Variants in UQCC1 observed in about 807,000 individuals in gnomAD.
UQCC1 encodes ubiquinol-cytochrome c reductase complex assembly factor 1.
In UQCC1, 38 loss-of-function variants were observed where a neutral mutation model predicts 48.0. That is an observed-to-expected ratio of 0.79 (90% CI 0.61 to 1.04). UQCC1 has a LOEUF of 1.04. UQCC1 is among the 50% of genes least tolerant of loss of function. The pLI is 0.00. For synonymous variants in UQCC1, 111 were observed against 129.2 expected, an observed-to-expected ratio of 0.86 and a Z score of 0.95; for missense variants, 368 against 381.8, an observed-to-expected ratio of 0.96 and a Z score of 0.30.
chr20:35,384,477 C>A, intron 2 of UQCC1: 2 of 330,360 alleles, frequency 6.1e-6, no homozygotes, highest in Non-Finnish European at 1.2e-5. Flanking sequence ...TCTATTTCTA[C>A]AAATTTTTTT....
At chr20:35,306,820 C>T (rs1568644283) in intron 8 of UQCC1, 41 bp from the exon 9 acceptor site, 3 of 1,490,466 alleles carry the variant, frequency 2.0e-6, no homozygotes, top group Non-Finnish European at 2.8e-6. Flanking sequence ...GAGGGATCCA[C>T]AGAGCCAGGA....
chr20:35,331,695 C>T (rs535710334), intron 7 of UQCC1, among the ~76,000 whole-genome samples: 2 of 152,338 alleles, frequency 1.3e-5, no homozygotes, highest in South Asian at 2.1e-4. Flanking sequence ...ATTCAGCCAA[C>T]ATCAACTGAG....
At chr20:35,377,802 G>C (rs1312768293) in intron 4 of UQCC1, among the ~76,000 whole-genome samples, 2 of 152,206 alleles carry the variant, frequency 1.3e-5, no homozygotes, top group Non-Finnish European at 2.9e-5. Context: ...TGAGAAGGAA[G>C]CTTCCCCAAC....
Position 35,311,250 on chromosome 20 carries a change from G to A in UQCC1, c.651+3438C>T, listed in dbSNP as rs117607282. Among the ~76,000 whole-genome samples, 26 of 152,268 alleles carry A rather than the reference G, an allele frequency of 1.7e-4. No individual in the cohort carries two copies. In the East Asian group the frequency reaches 5.0e-3, roughly 29 times the overall value. ...TAGCAATGGCAACAGTTCACAGAAG[G>A]CCTGGAAGTTCAGGGAGCAATTTGG... On this transcript the variant is annotated intron_variant, in intron 8 of 9. Coordinates refer to ENST00000374385, the MANE Select transcript of UQCC1 (RefSeq NM_018244.5).
rs553447395 is a variant in UQCC1 at position 35,377,092 on chromosome 20, C to T, written c.334-2836G>A. On this transcript the variant is annotated intron_variant, in intron 4 of 9. Coordinates refer to ENST00000374385, the MANE Select transcript of UQCC1 (RefSeq NM_018244.5). ...AATAAGGCCAACCTTATCCTGATAT[C>T]AAAATCAAAGTCATTAGGAGAAAAC... Among the ~76,000 whole-genome samples, 28 of 152,108 alleles carry T rather than the reference C, an allele frequency of 1.8e-4. 1 individual carries two copies. The highest frequency in any genetic ancestry group is 6.5e-4 in the African/African-American group (27 of 41,516).
chr20:35,322,307 T>C lies in UQCC1; in HGVS notation c.574-7542A>G, dbSNP rs368324236. ...TGACAGTGATGGTCGTAACAATGAT[T>C]ACACAATGCATTTAATAATATTTTC... On this transcript the variant is annotated intron_variant, in intron 7 of 9. Transcript: ENST00000374385. Among the ~76,000 whole-genome samples, 19 of 152,090 alleles carry C rather than the reference T, an allele frequency of 1.2e-4. No homozygotes were observed. In the East Asian group the frequency reaches 1.5e-3, roughly 12 times the overall value.
intron 8 of UQCC1, among the ~76,000 whole-genome samples, chr20:35,313,773 C>G (rs948886688): frequency 3.9e-5 from 6 of 152,006 alleles, no homozygotes; most frequent in African/African-American, 1.2e-4. Context: ...GCACATGCCA[C>G]CATGCCTGGC....
At chr20:35,371,751 A>AT (rs2061734931) in intron 5 of UQCC1, among the ~76,000 whole-genome samples, 1 of 150,922 alleles carries the variant, frequency 6.6e-6, no homozygotes. Flanking sequence ...TATGCCTGTA[A>AT]TCCCTGCACT....
chr20:35,307,836 G>A (rs983190234), intron 8 of UQCC1, among the ~76,000 whole-genome samples: 4 of 152,174 alleles, frequency 2.6e-5, no homozygotes, highest in Non-Finnish European at 5.9e-5. Flanking sequence ...GGCAGACAGC[G>A]GGGATACAGT....
chr20:35,384,662 A>AAAAAG (rs1555813299), intron 2 of UQCC1: 2 of 404,006 alleles, frequency 5.0e-6, no homozygotes, highest in African/African-American at 2.2e-5. Context: ...AAAAAAAAAA[A>AAAAAG]AGAGAGAGAG....
At chr20:35,398,777 G>T (rs1468689468) in intron 1 of UQCC1, among the ~76,000 whole-genome samples, 2 of 150,046 alleles carry the variant, frequency 1.3e-5, no homozygotes, top group Admixed American at 6.7e-5. Context: ...GGGCGGTGCA[G>T]GGGGAGCAAG....
At chr20:35,335,471 A>G (rs1442665977) in intron 7 of UQCC1, among the ~76,000 whole-genome samples, 1 of 152,242 alleles carries the variant, frequency 6.6e-6, no homozygotes, top group Non-Finnish European at 1.5e-5. Flanking sequence ...AAATAAATAA[A>G]AAGAAGAAAA....
Position 35,388,789 on chromosome 20 carries a change from G to C in UQCC1, c.130-4656C>G, listed in dbSNP as rs188685899. On this transcript the variant is annotated intron_variant, in intron 2 of 9. Transcript: ENST00000374385. Reference sequence around the variant, plus strand: ...CTCCAATAGAAGGAATCGGGGCTGGGTGCGGTGGCTCATGCCTGTAATCCC... The same window carrying C: ...CTCCAATAGAAGGAATCGGGGCTGGCTGCGGTGGCTCATGCCTGTAATCCC... 6.7e-3 allele frequency among the ~76,000 whole-genome samples: 1,013 copies of C among 152,328 alleles called. 15 individuals are homozygous for C. The highest frequency in any genetic ancestry group is 0.023 in the African/African-American group (968 of 41,570).
intron 2 of UQCC1, 95 bp downstream of exon 2, chr20:35,393,997 C>T (rs1601012093): frequency 8.2e-7 from 1 of 1,220,816 alleles, no homozygotes; most frequent in Non-Finnish European, 1.2e-6. Context: ...TGAGGTTTTT[C>T]CATCACACAA....
chr20:35,337,631 A>G (rs2061329134), intron 7 of UQCC1, among the ~76,000 whole-genome samples: 1 of 152,218 alleles, frequency 6.6e-6, no homozygotes, highest in Non-Finnish European at 1.5e-5. Flanking sequence ...CAACAGATGC[A>G]GCACTCAAGT....
At chr20:35,365,965 C>T (rs940788498) in intron 6 of UQCC1, among the ~76,000 whole-genome samples, 17 of 152,286 alleles carry the variant, frequency 1.1e-4, no homozygotes, top group Admixed American at 7.8e-4. Flanking sequence ...CTGACTTCAA[C>T]GACTCTCCTA....
intron 1 of UQCC1, among the ~76,000 whole-genome samples, chr20:35,410,704 CAAAA>C (rs1183843739): frequency 7.4e-4 from 2 of 2,710 alleles, no homozygotes; most frequent in Non-Finnish European, 1.3e-3. Context: ...GACTCTGCCT[CAAAA>C]AAAAAAAAAA....
intron 7 of UQCC1, among the ~76,000 whole-genome samples, chr20:35,332,260 T>C (rs1325410281): frequency 1.3e-5 from 2 of 152,316 alleles, no homozygotes; most frequent in Admixed American, 6.5e-5. Flanking sequence ...TTCTCCATCA[T>C]GGGGACATCT....
At chr20:35,306,076 G>C (rs2060925313) in intron 9 of UQCC1, among the ~76,000 whole-genome samples, 1 of 152,174 alleles carries the variant, frequency 6.6e-6, no homozygotes, top group African/African-American at 2.4e-5. Flanking sequence ...GGGGCTTGAG[G>C]ACAGCTATGT....
Sources: allele counts gnomAD v4.1 joint callset (sites outside exome capture counted in the v4.1 genomes callset), GRCh38; gene constraint gnomAD v4.1.1; transcripts MANE v1.5; gene names NCBI Gene and HGNC (gene_info 2026-07-23, HGNC 2026-07-21).